Variants in GPR84 observed in about 807,000 individuals in gnomAD.
GPR84 encodes G-protein coupled receptor 84.
GPR84 carries 8 observed loss-of-function variants against 14.9 expected under a neutral mutation model. That is an observed-to-expected ratio of 0.54 (90% CI 0.31 to 0.97). GPR84 has a LOEUF of 0.97. Ranked by LOEUF, GPR84 falls within the 50% of genes least tolerant of loss-of-function variation. The probability of loss-of-function intolerance (pLI) is 0.04; values close to 1 mark genes in which losing one functional copy is unlikely to be tolerated. For missense variants in GPR84, 424 were observed against 498.7 expected, an observed-to-expected ratio of 0.85 and a Z score of 1.43; for synonymous variants, 164 against 198.1, an observed-to-expected ratio of 0.83 and a Z score of 1.45.
At position 54,363,104 on chromosome 12, in the gene GPR84, G is replaced by C; in HGVS notation, c.748C>G (p.Pro250Ala). ...GGCTCAGATGAAATCCCCTCACTGG[G>C]TCCTCCTGATGCTAACCTGCTGTCC... ...ELDSRLASGG[P>A]SEGISSEPVS... Residue 250 changes from proline (P) to alanine (A), a missense_variant, in exon 2 of 2, where the codon CCC (proline) becomes GCC (alanine). Pro to Ala is a conservative substitution (Grantham distance 27). Coordinates refer to ENST00000267015, the MANE Select transcript of GPR84 (RefSeq NM_020370.3). 1.2e-6 allele frequency: 2 copies of C among 1,614,152 alleles called. No homozygotes were observed. The highest frequency in any genetic ancestry group is 1.7e-6 in the Non-Finnish European group (2 of 1,180,010).
chr12:54,355,327 AGTGTGT>A, the GPR84 span, among the ~76,000 whole-genome samples: 38 of 146,938 alleles, frequency 2.6e-4, no homozygotes, highest in South Asian at 1.7e-3. Flanking sequence ...TGTGTGTGTG[AGTGTGT>A]GTGTGTGTGT....
chr12:54,362,898 AGTC>A lies in GPR84; in HGVS notation c.951_953del (p.Thr318del). On this transcript the variant is annotated inframe_deletion, in exon 2 of 2. Coordinates refer to ENST00000267015, the MANE Select transcript of GPR84 (RefSeq NM_020370.3). The surrounding 1 kb of genome is among the most constrained non-coding windows in gnomAD (Gnocchi z 4.0). ...AGAGGAACACAGCAAAACACATTCG[AGTC>A]ACCTTCCCAAATTCCGATGAAGAAT... The A allele has an allele frequency of 6.2e-7, 1 of 1,614,202 alleles. No individual in the cohort carries two copies. The highest frequency in any genetic ancestry group is 8.5e-7 in the Non-Finnish European group (1 of 1,180,016).
chr12:54,352,330 C>A, the GPR84 span, among the ~76,000 whole-genome samples: 1 of 152,178 alleles, frequency 6.6e-6, no homozygotes, highest in Non-Finnish European at 1.5e-5. Context: ...CCCTCCAGAG[C>A]CTGCTCCCCT....
downstream of GPR84, among the ~76,000 whole-genome samples, chr12:54,358,056 C>T (rs1954227430): frequency 6.6e-6 from 1 of 152,104 alleles, no homozygotes. Flanking sequence ...TGGGTGGGGC[C>T]TTGGGAAAAT....
In GPR84 at chr12:54,363,784, G is replaced by A. The variant is rs976975265; in HGVS notation, c.68C>T (p.Ala23Val). Reference protein sequence around the residue: ...HESVLGYRYVAVSWGVVVAVT... With the variant: ...HESVLGYRYVVVSWGVVVAVT... ...AGCCACCACCACCCCCCAGCTAACTGCAACATAACGATAGCCCAGCACAGA... is the reference window on the plus strand; with the variant it reads ...AGCCACCACCACCCCCCAGCTAACTACAACATAACGATAGCCCAGCACAGA... Residue 23 changes from alanine (A) to valine (V), a missense_variant, in exon 2 of 2, where the codon GCA becomes GTA. Transcript: ENST00000267015. 7 of 1,613,162 alleles carry A rather than the reference G, an allele frequency of 4.3e-6. No individual in the cohort carries two copies. In the Admixed American group the frequency reaches 5.0e-5, roughly 12 times the overall value.
chr12:54,363,421 G>T lies in GPR84; in HGVS notation c.431C>A (p.Thr144Asn). 1 of 1,614,040 alleles carries T rather than the reference G, an allele frequency of 6.2e-7. No individual in the cohort carries two copies. Among genetic ancestry groups the T allele is most frequent in the South Asian group, 1.1e-5 (1 of 91,076 alleles). The change falls in exon 2 of 2, where the codon ACC becomes AAC. Residue 144 changes from threonine to asparagine, a missense_variant. By Grantham distance (65) the Thr-to-Asn change is moderately conservative. Coordinates refer to ENST00000267015, the MANE Select transcript of GPR84 (RefSeq NM_020370.3). Reference protein sequence around the residue: ...AKGIVLALVSTWVVGVASFAP... With the variant: ...AKGIVLALVSNWVVGVASFAP... ...AAAGCTGGCCACGCCCACAACCCAG[G>T]TGCTCACCAGTGCCAGCACTATCCC...
At chr12:54,358,844 T>C (rs2137125379), downstream of GPR84, among the ~76,000 whole-genome samples, 1 of 152,246 alleles carries the variant, frequency 6.6e-6, no homozygotes, top group East Asian at 1.9e-4. Context: ...GTCATCCTTT[T>C]GCCCTCTCAG....
chr12:54,360,655 G>T (rs1434165422), downstream of GPR84, among the ~76,000 whole-genome samples: 1 of 152,092 alleles, frequency 6.6e-6, no homozygotes. Context: ...GCATGTGAGG[G>T]TATCAATCTG....
chr12:54,363,274 C>T lies in GPR84; in HGVS notation c.578G>A (p.Ser193Asn). 1.9e-6 allele frequency: 3 copies of T among 1,614,182 alleles called. No homozygotes were observed. The highest frequency in any genetic ancestry group is 2.5e-6 in the Non-Finnish European group (3 of 1,180,026). Residue 193 changes from serine to asparagine, a missense_variant, in exon 2 of 2, where the codon AGT (serine) becomes AAT (asparagine). Physicochemically the swap from Ser to Asn is conservative, Grantham distance 46 (BLOSUM62 1). Transcript: ENST00000267015. ...MGIYFVLGLS[S>N]VGIFYCLIHR... is the part of the protein sequence containing the mutation. ...GATGAGGCAATAGAAGATGCCAACACTGCTGAGCCCAAGCACAAAGTAGAT... is the reference window on the plus strand; with the variant it reads ...GATGAGGCAATAGAAGATGCCAACATTGCTGAGCCCAAGCACAAAGTAGAT...
downstream of GPR84, among the ~76,000 whole-genome samples, chr12:54,360,693 C>T (rs1262686771): frequency 6.6e-6 from 1 of 152,118 alleles, no homozygotes; most frequent in Admixed American, 6.5e-5. Context: ...TCTTTCTGCC[C>T]TTAATATCTT....
chr12:54,350,750 A>C, the GPR84 span: 1 of 583,406 alleles, frequency 1.7e-6, no homozygotes, highest in South Asian at 2.1e-5. Context: ...TATTTAGATA[A>C]TAGGGCAGGG....
rs1245769043 is a variant in GPR84 at position 54,363,035 on chromosome 12, C to T, written c.817G>A (p.Glu273Lys). ...TTQTLEGDSSEVGDQINSKRA... is the reference protein window; with the variant it reads ...TTQTLEGDSSKVGDQINSKRA... ...TTGCTGTTGATCTGGTCTCCCACTT[C>T]TGATGAGTCCCCTTCCAGGGTCTGG... Residue 273 changes from glutamate (E) to lysine (K), a missense_variant, in exon 2 of 2, where the codon GAA (glutamate) becomes AAA (lysine). Glu to Lys is a moderately conservative substitution (Grantham distance 56). Transcript: ENST00000267015. 6.2e-7 allele frequency: 1 copy of T among 1,614,088 alleles called. No individual in the cohort carries two copies. The highest frequency in any genetic ancestry group is 8.5e-7 in the Non-Finnish European group (1 of 1,180,028).
In GPR84 at chr12:54,363,028, C is replaced by T; in HGVS notation, c.824G>A (p.Gly275Glu). The T allele has an allele frequency of 6.2e-7, 1 of 1,614,182 alleles. No individual in the cohort carries two copies. Residue 275 changes from glycine to glutamate, a missense_variant, in exon 2 of 2, where the codon GGA (glycine) becomes GAA (glutamate). Physicochemically the swap from Gly to Glu is moderately conservative, Grantham distance 98 (BLOSUM62 -2). Transcript: ENST00000267015. ...AGCTCTCTTGCTGTTGATCTGGTCT[C>T]CCACTTCTGATGAGTCCCCTTCCAG... ...QTLEGDSSEV[G>E]DQINSKRAKQ...
downstream of GPR84, among the ~76,000 whole-genome samples, chr12:54,359,941 T>C (rs1263543800): frequency 6.0e-5 from 9 of 150,834 alleles, no homozygotes; most frequent in African/African-American, 2.2e-4. Flanking sequence ...TTTTTTTTTT[T>C]TCCCCCCAGC....
the GPR84 span, among the ~76,000 whole-genome samples, chr12:54,352,667 A>G: frequency 6.6e-6 from 1 of 152,172 alleles, no homozygotes; most frequent in African/African-American, 2.4e-5. Flanking sequence ...GAAGGAAGGT[A>G]GCAGGAATGG....
downstream of GPR84, among the ~76,000 whole-genome samples, chr12:54,359,119 A>G (rs764113377): frequency 8.7e-5 from 13 of 149,696 alleles, no homozygotes; most frequent in Non-Finnish European, 1.8e-4. Context: ...AGCGGGGGAG[A>G]GGAGGAGGGA....
downstream of GPR84, among the ~76,000 whole-genome samples, chr12:54,360,350 G>A (rs955389311): frequency 6.3e-4 from 77 of 121,702 alleles, no homozygotes; most frequent in Admixed American, 2.3e-3. Flanking sequence ...CACTGGGCAC[G>A]TGTTAAGAGT....
chr12:54,358,638 G>C (rs1464716237), downstream of GPR84, among the ~76,000 whole-genome samples: 2 of 152,016 alleles, frequency 1.3e-5, no homozygotes, highest in African/African-American at 2.4e-5. Context: ...AGTCTGGATA[G>C]TGAGATTTGA....
the GPR84 span, among the ~76,000 whole-genome samples, chr12:54,355,496 A>C: frequency 6.6e-6 from 1 of 152,122 alleles, no homozygotes; most frequent in African/African-American, 2.4e-5. Flanking sequence ...TCAAGGGACC[A>C]TTCCAAAGGT....
Sources: gnomAD v4.1 joint callset for allele counts (sites outside exome capture counted in the v4.1 genomes callset) on GRCh38, gnomAD v4.1.1 for gene constraint, Gnocchi (gnomAD v3.1) non-coding constraint, MANE v1.5 for transcripts, NCBI Gene and HGNC (gene_info 2026-07-23, HGNC 2026-07-21) for gene names.